TDRD5: variants seen among roughly 807,000 people sequenced by gnomAD.
The protein encoded by TDRD5 is tudor domain-containing protein 5.
In TDRD5, 41 loss-of-function variants were observed where a neutral mutation model predicts 120.6. The observed-to-expected ratio is 0.34, with a 90% CI of 0.26 to 0.44. The LOEUF (loss-of-function observed/expected upper bound fraction) is 0.44. Ranked by LOEUF, TDRD5 falls within the 20% of genes least tolerant of loss-of-function variation. The probability of loss-of-function intolerance (pLI) is 1.00; values close to 1 mark genes in which losing one functional copy is unlikely to be tolerated. For missense variants in TDRD5, 1,006 were observed against 1,221.2 expected (o/e 0.82, Z 2.63); for synonymous variants, 430 against 433.7 (o/e 0.99, Z 0.11).
At chr1:179,614,066 A>C in intron 4 of TDRD5, among the ~76,000 whole-genome samples, 1 of 152,234 alleles carries the variant, frequency 6.6e-6, no homozygotes, top group African/African-American at 2.4e-5. Context: ...TAAATTATCC[A>C]GGTGTCTGTT....
At chr1:179,636,913 C>G (rs1677794503) in intron 9 of TDRD5, among the ~76,000 whole-genome samples, 1 of 152,114 alleles carries the variant, frequency 6.6e-6, no homozygotes. Context: ...TTCTTTCAAG[C>G]AAAACTGATA....
At chr1:179,623,445 G>T (rs1676941508) in intron 6 of TDRD5, among the ~76,000 whole-genome samples, 1 of 152,044 alleles carries the variant, frequency 6.6e-6, no homozygotes, top group African/African-American at 2.4e-5. Flanking sequence ...GAGTGGAGGG[G>T]CAGTACCTGG....
At chr1:179,675,522 G>A (rs950969557) in intron 17 of TDRD5, among the ~76,000 whole-genome samples, 7 of 151,168 alleles carry the variant, frequency 4.6e-5, no homozygotes, top group East Asian at 3.9e-4. Flanking sequence ...CTCGTGATCC[G>A]CCCGCCTCGG....
In TDRD5 at chr1:179,635,854, CAG is replaced by C. The variant is rs752902381; in HGVS notation, c.1490_1491del (p.Glu497ValfsTer8). 1.2e-6 allele frequency: 2 copies of C among 1,613,722 alleles called. No individual in the cohort carries two copies. The highest frequency in any genetic ancestry group is 2.2e-5 in the South Asian group (2 of 91,068). Reference sequence around the variant, plus strand: ...ATCCGGATCTATAGCAGGGATTCGTCAGAGTTACTCGAAGACATGATGATTGA... The same window carrying C: ...ATCCGGATCTATAGCAGGGATTCGTCAGTTACTCGAAGACATGATGATTGA... On this transcript the variant is annotated frameshift_variant, in exon 9 of 18. Transcript: ENST00000444136. LOFTEE classifies it high-confidence loss of function.
At chr1:179,667,492 T>G (rs1396859370) in intron 16 of TDRD5, among the ~76,000 whole-genome samples, 1 of 152,210 alleles carries the variant, frequency 6.6e-6, no homozygotes, top group African/African-American at 2.4e-5. Context: ...TTTAAACAAG[T>G]TACCTTTTGT....
chr1:179,597,332 CTT>C (rs945509784), intron 4 of TDRD5, among the ~76,000 whole-genome samples: 4 of 125,562 alleles, frequency 3.2e-5, no homozygotes, highest in African/African-American at 5.9e-5. Flanking sequence ...TTCTTTTTTT[CTT>C]TTTTTTTTTT....
chr1:179,605,805 C>G (rs1299206093), intron 4 of TDRD5, among the ~76,000 whole-genome samples: 1 of 152,028 alleles, frequency 6.6e-6, no homozygotes, highest in African/African-American at 2.4e-5. Flanking sequence ...TAATGCATTT[C>G]TTCTTGGCAC....
intron 6 of TDRD5, among the ~76,000 whole-genome samples, chr1:179,628,794 G>A (rs1572367281): frequency 6.6e-6 from 1 of 152,224 alleles, no homozygotes; most frequent in East Asian, 1.9e-4. Context: ...AAAGCAAGAT[G>A]TACCTAGTAT....
intron 14 of TDRD5, among the ~76,000 whole-genome samples, chr1:179,659,662 C>G (rs1679193412): frequency 6.7e-6 from 1 of 150,124 alleles, no homozygotes; most frequent in Non-Finnish European, 1.5e-5. Context: ...AAGTAAGTTT[C>G]TTGAGACAGC....
At chr1:179,666,307 C>T (rs1558418203) in intron 16 of TDRD5, among the ~76,000 whole-genome samples, 1 of 152,206 alleles carries the variant, frequency 6.6e-6, no homozygotes, top group Admixed American at 6.5e-5. Flanking sequence ...TTGCTTTAAA[C>T]TCCTGCAGAG....
intron 9 of TDRD5, among the ~76,000 whole-genome samples, chr1:179,639,014 A>G (rs1477394991): frequency 2.0e-5 from 3 of 152,220 alleles, no homozygotes; most frequent in Non-Finnish European, 1.5e-5. Flanking sequence ...TCTTCCATAT[A>G]GTTGGAAATA....
In TDRD5 at chr1:179,691,153, G is replaced by A; in HGVS notation, c.*210G>A. The A allele has an allele frequency of 3.6e-6, 2 of 558,918 alleles. No individual in the cohort carries two copies. Among genetic ancestry groups the A allele is most frequent in the East Asian group, 3.8e-5 (1 of 26,084 alleles). The allele number at this position is 558,918 out of a possible 1,614,324, so 34.6% of individuals were successfully genotyped here. ...TTTACTGTTAATCTTGATTTTTCTT[G>A]ATTTTATTCTGTGTCATTTTGTTCA... On this transcript the variant is annotated 3_prime_UTR_variant, in exon 18 of 18. Coordinates refer to ENST00000444136, the MANE Select transcript of TDRD5 (RefSeq NM_001199085.3).
intron 6 of TDRD5, among the ~76,000 whole-genome samples, chr1:179,626,618 A>T (rs1001175158): frequency 6.6e-6 from 1 of 152,200 alleles, no homozygotes; most frequent in Non-Finnish European, 1.5e-5. Flanking sequence ...TGATGTGTAC[A>T]GGTCACTTTG....
In TDRD5 at chr1:179,593,855, G is replaced by A. The variant is rs201086446; in HGVS notation, c.628G>A (p.Gly210Arg). 3.2e-5 allele frequency: 51 copies of A among 1,612,860 alleles called. No individual in the cohort carries two copies. Among genetic ancestry groups the A allele is most frequent in the Non-Finnish European group, 3.8e-5 (45 of 1,179,170 alleles). The change falls in exon 3 of 18, where the codon GGA becomes AGA. Residue 210 changes from glycine (G) to arginine (R), a missense_variant. Physicochemically the swap from Gly to Arg is moderately radical, Grantham distance 125 (BLOSUM62 -2). Around this residue, in one of 3 missense-constraint regions of TDRD5, gnomAD observed 445 missense variants for 515.5 expected, o/e 0.86. Transcript: ENST00000444136. ...GAGTGTAACAGAGGAAAAGCCGAGA[G>A]GATGTCCAGCAGGTACGCATGTGAG... ...KKSVTEEKPR[G>R]CPAGKIFTQP...
chr1:179,621,140 C>A (rs371932608), intron 6 of TDRD5, 49 bp downstream of exon 6: 13 of 1,525,582 alleles, frequency 8.5e-6, no homozygotes, highest in Non-Finnish European at 1.2e-5. Flanking sequence ...GCTTATATTT[C>A]TTGTGATAGA....
chr1:179,629,942 G>A (rs1441410778), intron 6 of TDRD5, among the ~76,000 whole-genome samples: 1 of 151,546 alleles, frequency 6.6e-6, no homozygotes, highest in Non-Finnish European at 1.5e-5. Context: ...TGTATGCTAT[G>A]GGAAATACAC....
At chr1:179,670,072 G>A (rs1404500133) in intron 17 of TDRD5, among the ~76,000 whole-genome samples, 1 of 152,106 alleles carries the variant, frequency 6.6e-6, no homozygotes, top group Non-Finnish European at 1.5e-5. Context: ...TCTTTCTGTA[G>A]ACGTATGTTT....
intron 10 of TDRD5, 136 bp from the exon 11 acceptor site, chr1:179,640,243 A>G (rs1021735321): frequency 2.7e-6 from 3 of 1,108,168 alleles, no homozygotes; most frequent in Middle Eastern, 2.4e-4. Flanking sequence ...TATCTTTTAC[A>G]TGACACTGAA....
intron 5 of TDRD5, among the ~76,000 whole-genome samples, chr1:179,619,107 A>G (rs1676712310): frequency 6.6e-6 from 1 of 152,152 alleles, no homozygotes; most frequent in South Asian, 2.1e-4. Context: ...AAAGTTCTCC[A>G]GTTAATGTCC....
Sources: gnomAD v4.1 joint callset for allele counts (sites outside exome capture counted in the v4.1 genomes callset) on GRCh38, gnomAD v4.1.1 for gene constraint, gnomAD v4.1.1 regional missense constraint, MANE v1.5 for transcripts, NCBI Gene and HGNC (gene_info 2026-07-23, HGNC 2026-07-21) for gene names.